Variants in MOB3B observed in about 807,000 individuals in gnomAD.
MOB3B encodes MOB kinase activator 3B.
In MOB3B, 7 loss-of-function variants were observed where a neutral mutation model predicts 18.7. That is an observed-to-expected ratio of 0.37 (90% CI 0.21 to 0.70). The LOEUF is 0.70. MOB3B is among the 30% of genes least tolerant of loss of function. The pLI is 0.52. For synonymous variants in MOB3B, 111 were observed against 99.9 expected (o/e 1.11, Z -0.66); for missense variants, 253 against 281.3 (o/e 0.90, Z 0.72).
chr9:27,390,273 C>T (rs536147982), intron 2 of MOB3B, among the ~76,000 whole-genome samples: 2 of 152,194 alleles, frequency 1.3e-5, no homozygotes, highest in East Asian at 3.9e-4. Context: ...ATTTTTGAGA[C>T]TGAGTCTCAC....
chr9:27,479,206 G>A (rs1819608250), intron 1 of MOB3B, among the ~76,000 whole-genome samples: 1 of 152,140 alleles, frequency 6.6e-6, no homozygotes, highest in East Asian at 1.9e-4. Flanking sequence ...GTCACATCAT[G>A]GCAGAAGGCA....
intron 2 of MOB3B, among the ~76,000 whole-genome samples, chr9:27,381,465 A>G (rs1451827025): frequency 6.6e-6 from 1 of 151,884 alleles, no homozygotes; most frequent in Non-Finnish European, 1.5e-5. Context: ...GCTTCTTGGG[A>G]CCCTGAGAAC....
chr9:27,354,813 G>A (rs865937119), intron 3 of MOB3B, among the ~76,000 whole-genome samples: 52 of 152,328 alleles, frequency 3.4e-4, no homozygotes, highest in African/African-American at 1.2e-3. Context: ...TTTGCTAGGA[G>A]TCTACCTAGG....
chr9:27,434,681 C>G (rs1018076289), intron 2 of MOB3B, among the ~76,000 whole-genome samples: 1 of 152,168 alleles, frequency 6.6e-6, no homozygotes, highest in African/African-American at 2.4e-5. Context: ...TACTCCCCTG[C>G]TCAAGCCGGA....
intron 2 of MOB3B, among the ~76,000 whole-genome samples, chr9:27,420,632 C>T (rs1040934435): frequency 1.6e-5 from 2 of 127,798 alleles, no homozygotes; most frequent in African/African-American, 3.0e-5. Flanking sequence ...AATGAATTAA[C>T]AGCATTTGCA....
At chr9:27,406,995 T>C (rs895507565) in intron 2 of MOB3B, among the ~76,000 whole-genome samples, 2 of 152,080 alleles carry the variant, frequency 1.3e-5, no homozygotes, top group Non-Finnish European at 2.9e-5. Flanking sequence ...GCTGCCACCA[T>C]GCCTGGCTAA....
At chr9:27,374,637 G>T (rs1289493274) in intron 2 of MOB3B, among the ~76,000 whole-genome samples, 2 of 152,086 alleles carry the variant, frequency 1.3e-5, no homozygotes, top group Non-Finnish European at 2.9e-5. Flanking sequence ...TGAGAAACTG[G>T]TGCCTGCAGG....
At chr9:27,524,719 G>T in intron 1 of MOB3B, 1 of 1,614,042 alleles carries the variant, frequency 6.2e-7, no homozygotes, top group African/African-American at 1.3e-5. Context: ...CTGAACCAAT[G>T]CTTGGAGGAA....
chr9:27,529,350 A>G (rs1587283847), intron 1 of MOB3B, among the ~76,000 whole-genome samples: 1 of 152,004 alleles, frequency 6.6e-6, no homozygotes, highest in South Asian at 2.1e-4. Flanking sequence ...CCGGCCAGAA[A>G]CCCAGGCGCC....
At chr9:27,366,935 C>G (rs1042356843) in intron 2 of MOB3B, among the ~76,000 whole-genome samples, 5 of 152,228 alleles carry the variant, frequency 3.3e-5, no homozygotes, top group African/African-American at 1.2e-4. Context: ...TGTTATTCTG[C>G]TCCTGAAATT....
chr9:27,522,872 C>T (rs10967971), intron 1 of MOB3B, among the ~76,000 whole-genome samples: 7,128 of 151,852 alleles, frequency 0.047, 233 homozygotes, highest in Non-Finnish European at 0.074. Flanking sequence ...AAGAAATCTG[C>T]CCATGAAATA....
intron 3 of MOB3B, among the ~76,000 whole-genome samples, chr9:27,347,904 T>C (rs1821052049): frequency 6.6e-6 from 1 of 152,242 alleles, no homozygotes; most frequent in Non-Finnish European, 1.5e-5. Flanking sequence ...ACACCATCTA[T>C]TTTTATGTAA....
intron 2 of MOB3B, among the ~76,000 whole-genome samples, chr9:27,392,633 C>T (rs747367701): frequency 2.6e-5 from 4 of 152,210 alleles, no homozygotes; most frequent in African/African-American, 9.6e-5. Flanking sequence ...GGAATAAAGA[C>T]GAGCCATTTG....
In MOB3B at chr9:27,328,412, G is replaced by T. The variant is rs1820741666; in HGVS notation, c.*2175C>A. The T allele has an allele frequency of 6.6e-6, 1 of 151,712 alleles. No individual in the cohort carries two copies. The highest frequency in any genetic ancestry group is 1.5e-5 in the Non-Finnish European group (1 of 67,956). 9.4% of individuals were successfully genotyped at this position (151,712 alleles called of 1,614,324 possible). On this transcript the variant is annotated 3_prime_UTR_variant, in exon 4 of 4. Transcript: ENST00000262244. The stretch of plus-strand genomic sequence containing the variant: ...ATTAAAAAAAAAAAAAGGGTAGTTT[G>T]CCAGAATTTACCCTAGAAGAGTTCA...
At chr9:27,383,097 G>A (rs928585054) in intron 2 of MOB3B, among the ~76,000 whole-genome samples, 2 of 152,074 alleles carry the variant, frequency 1.3e-5, no homozygotes, top group Non-Finnish European at 1.5e-5. Context: ...TAGACCTGAA[G>A]GTGAGGGGGT....
chr9:27,524,948 C>A, intron 1 of MOB3B: 1 of 1,587,372 alleles, frequency 6.3e-7, no homozygotes, highest in Non-Finnish European at 8.5e-7. Flanking sequence ...CAGCTCTATT[C>A]AGGAGGAAAT....
chr9:27,350,736 A>G (rs763587920), intron 3 of MOB3B, among the ~76,000 whole-genome samples: 1 of 152,058 alleles, frequency 6.6e-6, no homozygotes, highest in Non-Finnish European at 1.5e-5. Flanking sequence ...AGGCCCTCCC[A>G]CTAATCTCTG....
At chr9:27,357,148 G>T (rs1474248150) in intron 3 of MOB3B, among the ~76,000 whole-genome samples, 2,709 of 69,196 alleles carry the variant, frequency 0.039, 273 homozygotes, top group African/African-American at 0.13. Context: ...ATATATATGT[G>T]TTTTTTTTTT....
intron 2 of MOB3B, among the ~76,000 whole-genome samples, chr9:27,406,798 CT>C (rs1199568264): frequency 2.0e-5 from 3 of 151,882 alleles, no homozygotes; most frequent in African/African-American, 7.3e-5. Flanking sequence ...GAAGAAAACA[CT>C]GGGGAAATGC....
Sources: gnomAD v4.1 joint callset for allele counts (sites outside exome capture counted in the v4.1 genomes callset) on GRCh38, gnomAD v4.1.1 for gene constraint, MANE v1.5 for transcripts, NCBI Gene and HGNC (gene_info 2026-07-23, HGNC 2026-07-21) for gene names.